ZNF407: variants seen among roughly 807,000 people sequenced by gnomAD.
ZNF407 encodes the protein zinc finger protein 407.
A neutral mutation model predicts 131.2 loss-of-function variants in ZNF407; 17 were observed. That is an observed-to-expected ratio of 0.13 (90% confidence interval 0.09 to 0.19). ZNF407 has a LOEUF of 0.19. Among genes scored for constraint, ZNF407 ranks in the 10% least tolerant of loss-of-function variants. ZNF407 has a pLI of 1.00. For synonymous variants in ZNF407, 1,156 were observed against 1,062.0 expected (o/e 1.09, Z -1.72); for missense variants, 2,681 against 2,830.6 (o/e 0.95, Z 1.20).
At chr18:74,782,518 C>T (rs1969622834) in intron 4 of ZNF407, among the ~76,000 whole-genome samples, 1 of 151,900 alleles carries the variant, frequency 6.6e-6, no homozygotes, top group African/African-American at 2.4e-5. Context: ...CTCCTTTGCA[C>T]CCATATGTTT....
chr18:74,687,506 C>T (rs1311533256), intron 3 of ZNF407, among the ~76,000 whole-genome samples: 8 of 152,034 alleles, frequency 5.3e-5, no homozygotes, highest in African/African-American at 1.9e-4. Context: ...GAAAAAGCCT[C>T]TGAGAGAAGA....
chr18:74,772,672 T>C (rs1173774812), intron 3 of ZNF407, among the ~76,000 whole-genome samples: 1 of 152,174 alleles, frequency 6.6e-6, no homozygotes, highest in African/African-American at 2.4e-5. Context: ...GAATGACTGT[T>C]GAAGACTATT....
At chr18:74,748,991 G>A (rs1275888371) in intron 3 of ZNF407, among the ~76,000 whole-genome samples, 2 of 152,112 alleles carry the variant, frequency 1.3e-5, no homozygotes, top group African/African-American at 2.4e-5. Context: ...AAGTAATGAG[G>A]CGAAGAGAGC....
intron 1 of ZNF407, among the ~76,000 whole-genome samples, chr18:74,627,097 G>T (rs1025943256): frequency 2.0e-5 from 3 of 152,178 alleles, no homozygotes. Flanking sequence ...AGGAATCGCT[G>T]TCCTTTGGTG....
chr18:74,926,600 C>T (rs1298743035), intron 8 of ZNF407, among the ~76,000 whole-genome samples: 6 of 152,138 alleles, frequency 3.9e-5, no homozygotes, highest in East Asian at 1.9e-4. Context: ...GTCAGGACTT[C>T]GAGACCAGCC....
intron 7 of ZNF407, among the ~76,000 whole-genome samples, chr18:74,904,985 C>G (rs1368537578): frequency 6.6e-6 from 1 of 152,192 alleles, no homozygotes; most frequent in Non-Finnish European, 1.5e-5. Flanking sequence ...CAGCAGTCCT[C>G]TAAGTGGACA....
At chr18:74,846,152 A>T (rs1970699370) in intron 4 of ZNF407, among the ~76,000 whole-genome samples, 1 of 152,212 alleles carries the variant, frequency 6.6e-6, no homozygotes. Flanking sequence ...AAAATGGTCT[A>T]TTACAATCTT....
chr18:74,741,912 A>C (rs1241828486), intron 3 of ZNF407, among the ~76,000 whole-genome samples: 1 of 152,216 alleles, frequency 6.6e-6, no homozygotes, highest in Non-Finnish European at 1.5e-5. Flanking sequence ...TAGGATTAAA[A>C]ATGAAAACCT....
chr18:74,952,876 G>A (rs935942227), intron 8 of ZNF407, among the ~76,000 whole-genome samples: 1 of 152,212 alleles, frequency 6.6e-6, no homozygotes, highest in Non-Finnish European at 1.5e-5. Context: ...GTTGGGAAGA[G>A]CACTGCCTGG....
At chr18:74,827,163 T>A (rs1445447114) in intron 4 of ZNF407, among the ~76,000 whole-genome samples, 2 of 152,202 alleles carry the variant, frequency 1.3e-5, no homozygotes, top group South Asian at 2.1e-4. Context: ...TCGGTTTGGA[T>A]TGATCTGATG....
chr18:74,821,575 C>T (rs1970340986), intron 4 of ZNF407, among the ~76,000 whole-genome samples: 1 of 152,130 alleles, frequency 6.6e-6, no homozygotes, highest in Non-Finnish European at 1.5e-5. Context: ...CCAGCTTCAT[C>T]CATGTACCTG....
intron 7 of ZNF407, among the ~76,000 whole-genome samples, chr18:74,914,204 G>A (rs144642042): frequency 2.6e-5 from 4 of 152,310 alleles, no homozygotes; most frequent in Non-Finnish European, 4.4e-5. Context: ...CTTCCTGCTC[G>A]TCGTGAGGAA....
At position 75,013,714 on chromosome 18, in the gene ZNF407, T is replaced by C. The variant is rs185679585; in HGVS notation, c.5429-49436T>C. Among the ~76,000 whole-genome samples the C allele has an allele frequency of 2.2e-3, 334 of 152,196 alleles. 2 individuals are homozygous for C. The highest frequency in any genetic ancestry group is 7.3e-3 in the African/African-American group (303 of 41,538). ...CCAGCCTGCTTGTGCCCGTGTTCTC[T>C]GCGGGACCACCATGGTACCCCTGAA... On this transcript the variant is annotated intron_variant, in intron 8 of 8. Coordinates refer to ENST00000299687, the MANE Select transcript of ZNF407 (RefSeq NM_017757.3).
chr18:74,846,546 A>G (rs1970706008), intron 4 of ZNF407, among the ~76,000 whole-genome samples: 1 of 151,522 alleles, frequency 6.6e-6, no homozygotes, highest in African/African-American at 2.4e-5. Flanking sequence ...CATGTTGTCC[A>G]GGCTGGTCTT....
At chr18:74,884,006 A>G (rs138872018) in intron 6 of ZNF407, among the ~76,000 whole-genome samples, 2 of 152,320 alleles carry the variant, frequency 1.3e-5, no homozygotes, top group Non-Finnish European at 2.9e-5. Context: ...AGAGTAGCCA[A>G]TATCTTACTT....
At chr18:74,669,865 A>G (rs1382754330) in intron 3 of ZNF407, among the ~76,000 whole-genome samples, 1 of 152,252 alleles carries the variant, frequency 6.6e-6, no homozygotes, top group Admixed American at 6.5e-5. Context: ...AATTGTGCAA[A>G]GTAGAATTCT....
At chr18:74,733,680 T>G (rs979116393) in intron 3 of ZNF407, among the ~76,000 whole-genome samples, 2 of 152,214 alleles carry the variant, frequency 1.3e-5, no homozygotes, top group South Asian at 2.1e-4. Context: ...GAATGTCTTT[T>G]GTCATCTACA....
At chr18:74,824,345 C>G (rs1432377381) in intron 4 of ZNF407, among the ~76,000 whole-genome samples, 1 of 151,990 alleles carries the variant, frequency 6.6e-6, no homozygotes, top group Non-Finnish European at 1.5e-5. Context: ...TAGCGGAAGA[C>G]AAGAAATAAC....
At chr18:74,640,986 A>G (rs1984685970) in intron 2 of ZNF407, 22 bp from the exon 3 acceptor site, 2 of 1,563,220 alleles carry the variant, frequency 1.3e-6, no homozygotes, top group Non-Finnish European at 1.8e-6. Context: ...ATCAAATCAT[A>G]TTTTATGTTA....
Sources: gnomAD v4.1 joint callset for allele counts (sites outside exome capture counted in the v4.1 genomes callset) on GRCh38, gnomAD v4.1.1 for gene constraint, MANE v1.5 for transcripts, NCBI Gene and HGNC (gene_info 2026-07-23, HGNC 2026-07-21) for gene names.